Variants in NAPEPLD observed in about 807,000 individuals in gnomAD.
NAPEPLD encodes N-acyl phosphatidylethanolamine phospholipase D.
Under a neutral mutation model 38.1 loss-of-function variants are expected in NAPEPLD, and 23 were observed. The ratio of observed to expected loss-of-function variants is 0.60; its 90% CI spans 0.43 to 0.86. The LOEUF (loss-of-function observed/expected upper bound fraction) is 0.86, where lower values mean the gene tolerates loss of function less well. Ranked by LOEUF, NAPEPLD falls within the 40% of genes least tolerant of loss-of-function variation. The pLI is 0.00. For missense variants in NAPEPLD, 411 were observed against 476.8 expected (o/e 0.86, Z 1.28); for synonymous variants, 147 against 162.0 (o/e 0.91, Z 0.71).
chr7:103,114,377 C>T (rs562928937), intron 4 of NAPEPLD, among the ~76,000 whole-genome samples: 59 of 152,278 alleles, frequency 3.9e-4, no homozygotes, highest in African/African-American at 1.4e-3. Flanking sequence ...ACATTTATCC[C>T]TATGCCTGGC....
At chr7:103,137,527 T>C (rs933588341) in intron 1 of NAPEPLD, among the ~76,000 whole-genome samples, 8 of 152,118 alleles carry the variant, frequency 5.3e-5, no homozygotes, top group African/African-American at 1.9e-4. Flanking sequence ...TTGGAAAACA[T>C]GCATAAAATA....
Position 103,119,925 on chromosome 7 carries a change from G to T in NAPEPLD, c.593C>A (p.Ala198Asp), listed in dbSNP as rs1371391842. ...CTCATTACCAAATCGCTCATTCAAA[G>T]CAATGACAGAATTGTAGTCCAGATG... ...YDHLDYNSVIALNERFGNELR... is the reference protein window; with the variant it reads ...YDHLDYNSVIDLNERFGNELR... Residue 198 changes from alanine (A) to aspartate (D), a missense_variant, in exon 3 of 5, where the codon GCT becomes GAT. Transcript: ENST00000465647. The T allele has an allele frequency of 6.2e-7, 1 of 1,614,194 alleles. No individual in the cohort carries two copies. Among genetic ancestry groups the T allele is most frequent in the Admixed American group, 1.7e-5 (1 of 60,024 alleles).
chr7:103,124,136 A>G (rs1453754533), intron 2 of NAPEPLD, among the ~76,000 whole-genome samples: 2 of 152,020 alleles, frequency 1.3e-5, no homozygotes, highest in Non-Finnish European at 2.9e-5. Flanking sequence ...TCCTGTCTCT[A>G]TTTAAAAATA....
chr7:103,149,592 C>T (rs1044625576), upstream of NAPEPLD: 2 of 879,458 alleles, frequency 2.3e-6, no homozygotes, highest in African/African-American at 1.9e-5. Flanking sequence ...CCAAGATGGC[C>T]GCCCCTGTGG....
In NAPEPLD at chr7:103,132,934, C is replaced by A. The variant is rs181368506; in HGVS notation, c.-16-4142G>T. 5.4e-3 allele frequency among the ~76,000 whole-genome samples: 816 copies of A among 152,316 alleles called. 2 individuals carry two copies. The highest frequency in any genetic ancestry group is 0.017 in the South Asian group (83 of 4,830). ...CCTCCCATCCACTCAGTCTTTCACC[C>A]CAATCAATCTGTGGAAACAGGTCTC... On this transcript the variant is annotated intron_variant, in intron 1 of 4. Coordinates refer to ENST00000465647, the MANE Select transcript of NAPEPLD (RefSeq NM_001122838.3).
chr7:103,131,039 G>T (rs1808830526), intron 1 of NAPEPLD, among the ~76,000 whole-genome samples: 2 of 152,110 alleles, frequency 1.3e-5, no homozygotes. Context: ...AGATGAAAAT[G>T]TACAAGTTTA....
intron 1 of NAPEPLD, among the ~76,000 whole-genome samples, 186 bp downstream of exon 1, chr7:103,148,625 A>ATT (rs201705446): frequency 1.9e-4 from 28 of 145,280 alleles, no homozygotes; most frequent in Admixed American, 4.1e-4. Context: ...AGCTAGCCCC[A>ATT]TTTTTTTTTT....
chr7:103,143,223 T>C (rs1317554142), intron 1 of NAPEPLD, among the ~76,000 whole-genome samples: 1 of 152,066 alleles, frequency 6.6e-6, no homozygotes, highest in East Asian at 1.9e-4. Flanking sequence ...CAAGAGCTTG[T>C]CTAAGAATAA....
chr7:103,141,522 C>G, intron 1 of NAPEPLD: 2 of 1,440,346 alleles, frequency 1.4e-6, no homozygotes, highest in Non-Finnish European at 2.0e-6. Context: ...TGGATGTGTT[C>G]CATGAGAATC....
chr7:103,140,340 T>C (rs1810961941), intron 1 of NAPEPLD, among the ~76,000 whole-genome samples: 1 of 152,062 alleles, frequency 6.6e-6, no homozygotes, highest in Non-Finnish European at 1.5e-5. Flanking sequence ...AATGTGTTTT[T>C]GTTCTATTTG....
intron 1 of NAPEPLD, among the ~76,000 whole-genome samples, chr7:103,131,253 G>C (rs929679249): frequency 2.0e-5 from 3 of 152,074 alleles, no homozygotes; most frequent in African/African-American, 7.2e-5. Context: ...TTTAAACAAT[G>C]AAGGGATAAG....
At chr7:103,149,387 G>C, upstream of NAPEPLD, 1 of 1,173,054 alleles carries the variant, frequency 8.5e-7, no homozygotes, top group South Asian at 1.5e-5. Flanking sequence ...ACCGCGGCAG[G>C]CGCTCGGGTT....
chr7:103,127,419 C>G (rs1288341714), intron 2 of NAPEPLD: 1 of 152,148 alleles, frequency 6.6e-6, no homozygotes. Flanking sequence ...AAAAAACTTA[C>G]TTTCCATGTA....
At chr7:103,141,240 G>GTTTTTT (rs869065614) in intron 1 of NAPEPLD, 3 of 10,262 alleles carry the variant, frequency 2.9e-4, no homozygotes, top group South Asian at 1.6e-3. Flanking sequence ...CTGTGGAGTT[G>GTTTTTT]TTTTTTTTTT....
rs1282887190 is a variant in NAPEPLD, at chr7:103,119,593, C to T, written c.925G>A (p.Gly309Arg). ...GPFDLAAIPI[G>R]AYEPRWFMKY... ...TCTACATACCTCGGTTCATAAGCTC[C>T]GATGGGAATAGCTGCAAGGTCAAAA... Residue 309 changes from glycine (G) to arginine (R), a missense_variant, in exon 3 of 5, where the codon GGA becomes AGA. Physicochemically the swap from Gly to Arg is moderately radical, Grantham distance 125 (BLOSUM62 -2). Transcript: ENST00000465647. 3.1e-6 allele frequency: 5 copies of T among 1,613,750 alleles called. No homozygotes were observed. The highest frequency in any genetic ancestry group is 4.2e-6 in the Non-Finnish European group (5 of 1,179,846).
At chr7:103,143,065 A>AC (rs55963550) in intron 1 of NAPEPLD, among the ~76,000 whole-genome samples, 136,315 of 151,434 alleles carry the variant, frequency 0.9, 63,121 homozygotes, top group East Asian at 1. Flanking sequence ...CTCTACAAAA[A>AC]AAAAAACAAA....
intron 3 of NAPEPLD, among the ~76,000 whole-genome samples, chr7:103,117,652 CAG>C (rs1282763858): frequency 6.6e-6 from 1 of 152,118 alleles, no homozygotes; most frequent in Non-Finnish European, 1.5e-5. Flanking sequence ...ACCAAAGAAA[CAG>C]ACTACACATT....
rs6959604 is a variant in NAPEPLD, at chr7:103,137,519, G to A, written c.-16-8727C>T. Reference sequence around the variant, plus strand: ...TAAAATATCATGTTACGGTAAATTTGGAAAACATGCATAAAATATTTATTG... The same window carrying A: ...TAAAATATCATGTTACGGTAAATTTAGAAAACATGCATAAAATATTTATTG... On this transcript the variant is annotated intron_variant, in intron 1 of 4. Transcript: ENST00000465647. Among the ~76,000 whole-genome samples the A allele has an allele frequency of 2.9e-3, 439 of 152,072 alleles. 2 individuals carry two copies. The highest frequency in any genetic ancestry group is 5.1e-3 in the Non-Finnish European group (345 of 68,006).
At position 103,145,738 on chromosome 7, in the gene NAPEPLD, A is replaced by G. The variant is rs181871793; in HGVS notation, c.-17+3073T>C. On this transcript the variant is annotated intron_variant, in intron 1 of 4. Coordinates refer to ENST00000465647, the MANE Select transcript of NAPEPLD (RefSeq NM_001122838.3). ...CATTCCAAGGATCTAGCTCTGGCTG[A>G]TGATGGAGCCTGGACTACGTATCAG... Among the ~76,000 whole-genome samples the G allele has an allele frequency of 2.0e-3, 308 of 152,338 alleles. 3 individuals carry two copies. The highest frequency in any genetic ancestry group is 7.2e-3 in the African/African-American group (300 of 41,588).
Sources: allele counts gnomAD v4.1 joint callset (sites outside exome capture counted in the v4.1 genomes callset), GRCh38; gene constraint gnomAD v4.1.1; transcripts MANE v1.5; gene names NCBI Gene and HGNC (gene_info 2026-07-23, HGNC 2026-07-21).